ABLIM1: variants seen among roughly 807,000 people sequenced by gnomAD.
ABLIM1 encodes actin binding LIM protein 1.
A neutral mutation model predicts 107.0 loss-of-function variants in ABLIM1; 40 were observed. The observed-to-expected ratio is 0.37, with a 90% CI of 0.29 to 0.49. The LOEUF (loss-of-function observed/expected upper bound fraction) is 0.49. Ranked by LOEUF, ABLIM1 falls within the 20% of genes least tolerant of loss-of-function variation. The pLI is 0.97. For missense variants in ABLIM1, 857 were observed against 1,008.5 expected (o/e 0.85, Z 2.04); for synonymous variants, 357 against 357.3 (o/e 1.00, Z 0.01).
chr10:114,646,533 A>G (rs1180328845), intron 1 of ABLIM1, among the ~76,000 whole-genome samples: 1 of 152,236 alleles, frequency 6.6e-6, no homozygotes, highest in East Asian at 1.9e-4. Context: ...TAGACCAAAC[A>G]GCACAAGGAC....
At chr10:114,716,288 T>G (rs2081658596) in intron 1 of ABLIM1, among the ~76,000 whole-genome samples, 1 of 152,160 alleles carries the variant, frequency 6.6e-6, no homozygotes, top group South Asian at 2.1e-4. Flanking sequence ...TTCTATCTTT[T>G]GCGGCCAGTG....
chr10:114,631,713 C>T (rs1396101884), intron 1 of ABLIM1, among the ~76,000 whole-genome samples: 1 of 151,868 alleles, frequency 6.6e-6, no homozygotes, highest in Admixed American at 6.6e-5. Flanking sequence ...GCTCCCGATG[C>T]GGTGGTGAAA....
intron 2 of ABLIM1, among the ~76,000 whole-genome samples, chr10:114,577,248 TAAAC>T (rs975151002): frequency 2.0e-5 from 3 of 152,188 alleles, no homozygotes; most frequent in African/African-American, 7.2e-5. Flanking sequence ...ATGTTTGAAA[TAAAC>T]TGAATCCTGC....
chr10:114,621,104 C>T (rs181136818), intron 1 of ABLIM1, among the ~76,000 whole-genome samples: 210 of 152,310 alleles, frequency 1.4e-3, no homozygotes, highest in African/African-American at 4.9e-3. Context: ...TACTTTATTG[C>T]TTCTGTTTTA....
chr10:114,477,442 A>G (rs528474078), intron 8 of ABLIM1, among the ~76,000 whole-genome samples: 1 of 152,116 alleles, frequency 6.6e-6, no homozygotes, highest in Non-Finnish European at 1.5e-5. Flanking sequence ...TGAACAGCCA[A>G]AGTGTACACT....
chr10:114,717,194 A>G (rs2081689746), intron 1 of ABLIM1, among the ~76,000 whole-genome samples: 1 of 152,210 alleles, frequency 6.6e-6, no homozygotes, highest in Non-Finnish European at 1.5e-5. Flanking sequence ...GAGCAAGTGA[A>G]CTGCTCTGTG....
intron 4 of ABLIM1, among the ~76,000 whole-genome samples, chr10:114,548,109 G>A (rs58175190): frequency 0.016 from 2,374 of 152,288 alleles, 79 homozygotes; most frequent in African/African-American, 0.055. Flanking sequence ...TCTTGGCTGT[G>A]ATTTTAAGAA....
chr10:114,696,405 A>G (rs575690721), intron 1 of ABLIM1, among the ~76,000 whole-genome samples: 3 of 152,238 alleles, frequency 2.0e-5, no homozygotes, highest in Admixed American at 2.0e-4. Flanking sequence ...CATTGCACAG[A>G]TGTGTCTGGT....
At chr10:114,774,773 T>TA in the ABLIM1 span, among the ~76,000 whole-genome samples, 1 of 152,074 alleles carries the variant, frequency 6.6e-6, no homozygotes, top group Non-Finnish European at 1.5e-5. Context: ...GCAGAGATGT[T>TA]AAATATTTTA....
intron 8 of ABLIM1, among the ~76,000 whole-genome samples, chr10:114,479,494 A>G (rs1378609201): frequency 1.3e-5 from 2 of 152,164 alleles, no homozygotes; most frequent in East Asian, 1.9e-4. Flanking sequence ...CTGTGAAGTG[A>G]TTCCAAATGC....
At chr10:114,458,953 G>A (rs560460131) in intron 12 of ABLIM1, among the ~76,000 whole-genome samples, 1 of 152,354 alleles carries the variant, frequency 6.6e-6, no homozygotes, top group South Asian at 2.1e-4. Context: ...AAGTTTGGAG[G>A]ACAGAAATAA....
rs545083845 is a variant in ABLIM1, at chr10:114,579,808, C to T, written c.380-4209G>A. Among the ~76,000 whole-genome samples the T allele has an allele frequency of 7.9e-5, 12 of 152,296 alleles. No individual in the cohort carries two copies. The East Asian group carries it at 2.3e-3, about 29-fold the overall frequency. ...CTTTCTATCTCTATGAATTTAACTC[C>T]TCTAGGTTCCTCATATAAATAGAAG... is the stretch of plus-strand genomic sequence containing the variant. On this transcript the variant is annotated intron_variant, in intron 2 of 22. Transcript: ENST00000533213.
intron 4 of ABLIM1, among the ~76,000 whole-genome samples, chr10:114,551,295 C>T (rs1372227764): frequency 1.3e-5 from 2 of 152,222 alleles, no homozygotes; most frequent in African/African-American, 4.8e-5. Context: ...ACCTCAGTGC[C>T]CAGACATCCC....
chr10:114,628,897 C>T (rs1051861414), intron 1 of ABLIM1, among the ~76,000 whole-genome samples: 1 of 152,100 alleles, frequency 6.6e-6, no homozygotes, highest in African/African-American at 2.4e-5. Context: ...GTATAGTGGG[C>T]CTCTGGAGTA....
rs557754138 is a variant in ABLIM1, at chr10:114,571,739, A to G, written c.564-333T>C. Among the ~76,000 whole-genome samples, 20 of 152,334 alleles carry G rather than the reference A, an allele frequency of 1.3e-4. 1 individual carries two copies. The highest frequency in any genetic ancestry group is 3.4e-4 in the African/African-American group (14 of 41,578). On this transcript the variant is annotated intron_variant, in intron 3 of 22. Transcript: ENST00000533213. ...TAAGTTTCCAAATGGAAAGTCCTTC[A>G]TGAAAAAATATTTTAAATACCATGA...
chr10:114,599,958 A>C (rs1482189933), intron 2 of ABLIM1, among the ~76,000 whole-genome samples: 1 of 152,188 alleles, frequency 6.6e-6, no homozygotes, highest in Non-Finnish European at 1.5e-5. Context: ...AAGTTAGCTA[A>C]ACTGGATATA....
At chr10:114,757,241 T>C (rs548641357) in intron 1 of ABLIM1, among the ~76,000 whole-genome samples, 3 of 152,156 alleles carry the variant, frequency 2.0e-5, no homozygotes, top group Non-Finnish European at 4.4e-5. Context: ...AGAGGCAGCA[T>C]TGTAACAGTA....
chr10:114,773,447 C>T, the ABLIM1 span, among the ~76,000 whole-genome samples: 64,745 of 152,052 alleles, frequency 0.43, 14,681 homozygotes, highest in Non-Finnish European at 0.51. Context: ...ATAGGCCAGG[C>T]GCGGTGGCTC....
intron 4 of ABLIM1, among the ~76,000 whole-genome samples, chr10:114,556,580 A>G (rs144004575): frequency 5.3e-5 from 8 of 152,302 alleles, no homozygotes; most frequent in East Asian, 3.9e-4. Context: ...TTATTTTTGT[A>G]TAAGAGTTGG....
Sources: allele counts gnomAD v4.1 joint callset (sites outside exome capture counted in the v4.1 genomes callset), GRCh38; gene constraint gnomAD v4.1.1; transcripts MANE v1.5; gene names NCBI Gene and HGNC (gene_info 2026-07-23, HGNC 2026-07-21).